Variants in ACTR3C observed in about 807,000 individuals in gnomAD.
ACTR3C encodes the protein actin-related protein 3C.
In ACTR3C, 18 loss-of-function variants were observed where a neutral mutation model predicts 26.3. That is an observed-to-expected ratio of 0.68 (90% CI 0.47 to 1.01). The LOEUF is 1.01. ACTR3C is among the 50% of genes least tolerant of loss of function. ACTR3C has a pLI of 0.00. For missense variants in ACTR3C, 184 were observed against 250.7 expected (o/e 0.73, Z 1.80); for synonymous variants, 55 against 94.5 (o/e 0.58, Z 2.42).
chr7:149,906,434 T>A, the ACTR3C span, among the ~76,000 whole-genome samples: 1 of 119,598 alleles, frequency 8.4e-6, no homozygotes, highest in Non-Finnish European at 1.8e-5. Context: ...TTTTTTTTTT[T>A]TTTTTTTTTT....
the ACTR3C span, among the ~76,000 whole-genome samples, chr7:150,066,618 G>A: frequency 6.6e-6 from 1 of 152,164 alleles, no homozygotes; most frequent in Admixed American, 6.5e-5. Context: ...AACTGATACA[G>A]CTGTGAACAC....
At chr7:149,972,452 G>T in the ACTR3C span, among the ~76,000 whole-genome samples, 3 of 152,194 alleles carry the variant, frequency 2.0e-5, no homozygotes, top group African/African-American at 7.2e-5. Context: ...CAGTGCTGGT[G>T]CAGGCTGCTT....
chr7:150,232,156 T>C, the ACTR3C span, among the ~76,000 whole-genome samples: 4 of 152,364 alleles, frequency 2.6e-5, no homozygotes, highest in South Asian at 6.2e-4. Flanking sequence ...CTTGCTCTGC[T>C]ATCTTCTTTG....
At chr7:150,284,892 A>G (rs772722137) in intron 5 of ACTR3C, 47 bp from the exon 6 acceptor site, 30 of 1,550,554 alleles carry the variant, frequency 1.9e-5, no homozygotes, top group Middle Eastern at 1.7e-4. Context: ...TTTCTCTCAA[A>G]TAGAACAACA....
chr7:150,278,304 A>C (rs535150698), intron 6 of ACTR3C, among the ~76,000 whole-genome samples: 141 of 152,340 alleles, frequency 9.3e-4, no homozygotes, highest in South Asian at 2.7e-3. Context: ...CACATATGGC[A>C]ATTTTAACTC....
At chr7:150,227,688 G>GTTTTTTTTTTTTTTTTTTTTTTTT in the ACTR3C span, among the ~76,000 whole-genome samples, 16 of 111,380 alleles carry the variant, frequency 1.4e-4, 1 homozygote, top group African/African-American at 4.2e-4. Flanking sequence ...TTGTGTCTGG[G>GTTTTTTTTTTTTTTTTTTTTTTTT]TTTTTTTTTT....
chr7:150,202,152 C>T, the ACTR3C span, among the ~76,000 whole-genome samples: 41 of 152,092 alleles, frequency 2.7e-4, no homozygotes, highest in Non-Finnish European at 5.1e-4. Flanking sequence ...AACTTAGGGC[C>T]CCACAACCCA....
chr7:150,038,632 G>A, the ACTR3C span, among the ~76,000 whole-genome samples: 56 of 145,496 alleles, frequency 3.8e-4, 6 homozygotes, highest in Non-Finnish European at 5.3e-4. Flanking sequence ...AGCTGCGTTC[G>A]GACCCGTCGG....
chr7:150,076,988 A>T, the ACTR3C span, among the ~76,000 whole-genome samples: 1 of 152,024 alleles, frequency 6.6e-6, no homozygotes, highest in Non-Finnish European at 1.5e-5. Context: ...AACATGGTGA[A>T]ACCCTGTCTG....
the ACTR3C span, among the ~76,000 whole-genome samples, chr7:150,092,042 C>G: frequency 8.2e-6 from 1 of 121,350 alleles, no homozygotes; most frequent in African/African-American, 3.0e-5. Context: ...TTCCTAATTA[C>G]TGTACTTATT....
At chr7:150,228,886 G>GTA in the ACTR3C span, among the ~76,000 whole-genome samples, 10 of 137,162 alleles carry the variant, frequency 7.3e-5, no homozygotes, top group East Asian at 4.2e-4. Flanking sequence ...ATATATATTT[G>GTA]TATATATATA....
chr7:150,024,902 A>C, the ACTR3C span, among the ~76,000 whole-genome samples: 5 of 151,510 alleles, frequency 3.3e-5, no homozygotes, highest in Non-Finnish European at 5.9e-5. Flanking sequence ...CCTGTCTATT[A>C]TTGAGAAGTC....
At chr7:150,188,588 T>G in the ACTR3C span, among the ~76,000 whole-genome samples, 1 of 151,374 alleles carries the variant, frequency 6.6e-6, no homozygotes, top group Non-Finnish European at 1.5e-5. Flanking sequence ...TGTATGAGAC[T>G]TCCAATTGCC....
chr7:149,922,852 G>C, the ACTR3C span, among the ~76,000 whole-genome samples: 1 of 151,290 alleles, frequency 6.6e-6, no homozygotes, highest in Non-Finnish European at 1.5e-5. Context: ...GTAAGGGGAA[G>C]AGTATAGTAA....
At chr7:149,955,568 A>G in the ACTR3C span, among the ~76,000 whole-genome samples, 7 of 152,168 alleles carry the variant, frequency 4.6e-5, no homozygotes, top group African/African-American at 1.7e-4. Context: ...AAGAGTCGTA[A>G]GGTGCATACG....
At chr7:150,166,038 C>T in the ACTR3C span, among the ~76,000 whole-genome samples, 3 of 151,558 alleles carry the variant, frequency 2.0e-5, no homozygotes, top group Admixed American at 6.6e-5. Context: ...GAAACTAGAA[C>T]ATTGTCTAAA....
the ACTR3C span, among the ~76,000 whole-genome samples, chr7:149,898,945 G>A: frequency 6.6e-6 from 1 of 151,762 alleles, no homozygotes; most frequent in Admixed American, 6.6e-5. Flanking sequence ...TGTCACCCAA[G>A]CTATCTCTAG....
the ACTR3C span, among the ~76,000 whole-genome samples, chr7:150,183,751 T>TTA: frequency 2.0e-5 from 3 of 148,650 alleles, no homozygotes; most frequent in Admixed American, 6.6e-5. Context: ...GAATGTACCT[T>TTA]TACACTGTGA....
At chr7:150,152,924 G>A in the ACTR3C span, among the ~76,000 whole-genome samples, 19 of 152,204 alleles carry the variant, frequency 1.2e-4, no homozygotes, top group Admixed American at 2.0e-4. Flanking sequence ...GTTTATTTGC[G>A]TAGAGGTGTT....
Sources: gnomAD v4.1 joint callset for allele counts (sites outside exome capture counted in the v4.1 genomes callset) on GRCh38, gnomAD v4.1.1 for gene constraint, MANE v1.5 for transcripts, NCBI Gene and HGNC (gene_info 2026-07-23, HGNC 2026-07-21) for gene names.